ATP9B: variants seen among roughly 807,000 people sequenced by gnomAD.
ATP9B encodes ATPase phospholipid transporting 9B, also known as probable phospholipid-transporting ATPase IIB.
In ATP9B, 110 loss-of-function variants were observed where a neutral mutation model predicts 146.1. The ratio of observed to expected loss-of-function variants is 0.75; its 90% CI spans 0.65 to 0.88. ATP9B has a LOEUF of 0.88. Among genes scored for constraint, ATP9B ranks in the 40% least tolerant of loss-of-function variants. The pLI, the probability that ATP9B is intolerant of heterozygous loss-of-function variation, is 0.00. For missense variants in ATP9B, 1,499 were observed against 1,496.4 expected (o/e 1.00, Z -0.03); for synonymous variants, 604 against 569.7 (o/e 1.06, Z -0.86).
chr18:79,264,243 A>C (rs1229840754), intron 12 of ATP9B, among the ~76,000 whole-genome samples: 2 of 152,256 alleles, frequency 1.3e-5, no homozygotes, highest in African/African-American at 4.8e-5. Context: ...CCTCAGCAAC[A>C]CTTAATATAA....
At chr18:79,346,257 C>T (rs1047796169) in intron 23 of ATP9B, among the ~76,000 whole-genome samples, 4 of 144,986 alleles carry the variant, frequency 2.8e-5, no homozygotes, top group African/African-American at 5.2e-5. Context: ...TCAGCACACA[C>T]GGCACATACG....
chr18:79,076,874 C>G (rs518360), intron 1 of ATP9B, among the ~76,000 whole-genome samples: 57,529 of 151,838 alleles, frequency 0.38, 11,371 homozygotes, highest in East Asian at 0.52. Context: ...CTGTTATTTT[C>G]TCTTAAAGTT....
At chr18:79,172,653 T>C (rs989166419) in intron 7 of ATP9B, among the ~76,000 whole-genome samples, 14 of 152,262 alleles carry the variant, frequency 9.2e-5, no homozygotes, top group African/African-American at 3.1e-4. Flanking sequence ...GCCTAGAGAC[T>C]TTTTCTGCTT....
At chr18:79,221,093 C>A (rs1339336202) in intron 11 of ATP9B, among the ~76,000 whole-genome samples, 1 of 152,218 alleles carries the variant, frequency 6.6e-6, no homozygotes, top group Non-Finnish European at 1.5e-5. Flanking sequence ...TTGCTGTTCC[C>A]TGACTCTAGC....
chr18:79,337,137 C>G (rs1028886793), intron 18 of ATP9B, 142 bp from the exon 19 acceptor site: 1 of 1,162,334 alleles, frequency 8.6e-7, no homozygotes, highest in African/African-American at 1.6e-5. Flanking sequence ...CAGTCCAGCT[C>G]TGTGGAGTAC....
intron 13 of ATP9B, among the ~76,000 whole-genome samples, chr18:79,292,148 A>G (rs1371833152): frequency 6.6e-6 from 1 of 152,240 alleles, no homozygotes; most frequent in Non-Finnish European, 1.5e-5. Flanking sequence ...GGTGATGGAC[A>G]TGGGTTGTTT....
intron 9 of ATP9B, among the ~76,000 whole-genome samples, chr18:79,199,453 A>G (rs1301481830): frequency 2.6e-5 from 4 of 152,050 alleles, no homozygotes; most frequent in Admixed American, 2.0e-4. Context: ...TACTTTTTAA[A>G]CTTTTTTTTG....
intron 6 of ATP9B, among the ~76,000 whole-genome samples, chr18:79,154,129 AT>A (rs35469027): frequency 0.43 from 62,466 of 143,810 alleles, 14,564 homozygotes; most frequent in East Asian, 0.7. Context: ...AATTTTTTGC[AT>A]TTTTTTTTTT....
At chr18:79,188,738 C>G (rs57169009) in intron 8 of ATP9B, among the ~76,000 whole-genome samples, 84,939 of 152,002 alleles carry the variant, frequency 0.56, 25,468 homozygotes, top group African/African-American at 0.79. Context: ...TTTCTTCTCT[C>G]TTTTTCTAAT....
At chr18:79,267,679 T>C (rs1250366834) in intron 12 of ATP9B, among the ~76,000 whole-genome samples, 4 of 152,150 alleles carry the variant, frequency 2.6e-5, no homozygotes, top group African/African-American at 9.6e-5. Flanking sequence ...TACATCTTTG[T>C]TCATTTTTAG....
intron 11 of ATP9B, among the ~76,000 whole-genome samples, chr18:79,240,396 G>A (rs961229581): frequency 1.3e-5 from 2 of 152,224 alleles, no homozygotes; most frequent in Non-Finnish European, 2.9e-5. Flanking sequence ...GAAACATTTT[G>A]ATAAAGAAAA....
At chr18:79,177,172 C>T (rs2095184377) in intron 8 of ATP9B, among the ~76,000 whole-genome samples, 1 of 152,074 alleles carries the variant, frequency 6.6e-6, no homozygotes, top group Non-Finnish European at 1.5e-5. Context: ...GCCCTTCCTC[C>T]CTGTCCTTGC....
At chr18:79,081,247 C>T (rs971446181) in intron 1 of ATP9B, among the ~76,000 whole-genome samples, 4 of 152,054 alleles carry the variant, frequency 2.6e-5, no homozygotes, top group Non-Finnish European at 5.9e-5. Flanking sequence ...TCCATCTGGT[C>T]GTGGGCTTTT....
chr18:79,080,817 G>C (rs1159672856), intron 1 of ATP9B, among the ~76,000 whole-genome samples: 1 of 152,202 alleles, frequency 6.6e-6, no homozygotes, highest in Non-Finnish European at 1.5e-5. Context: ...TTTATTGAGA[G>C]TTTTCAGCAT....
chr18:79,343,948 GT>G (rs930488295), intron 20 of ATP9B: 9 of 419,900 alleles, frequency 2.1e-5, no homozygotes, highest in Non-Finnish European at 3.5e-5. Context: ...TATCCAGAAG[GT>G]AATTATTAAC....
chr18:79,271,825 CA>C (rs1184188052), intron 12 of ATP9B, among the ~76,000 whole-genome samples: 6 of 152,260 alleles, frequency 3.9e-5, no homozygotes, highest in African/African-American at 9.6e-5. Flanking sequence ...CTGACTTCCA[CA>C]ATGGTTGAAC....
chr18:79,155,801 C>T lies in ATP9B; in HGVS notation c.778+1246C>T, dbSNP rs59415646. Among the ~76,000 whole-genome samples the T allele has an allele frequency of 2.2e-3, 287 of 130,306 alleles. 5 individuals carry two copies. The highest frequency in any genetic ancestry group is 7.5e-3 in the African/African-American group (267 of 35,636). The allele number at this position is 130,306 out of a possible 152,430, so 85.5% of individuals were successfully genotyped here. A position where few individuals can be genotyped will look rare whatever the true frequency, so the allele number is the denominator to read the frequency against. ...TTTTTGAGATGGAGTCTCGCTCTGTCGCCCAGGCTGGAGTGCAGTGGTGCG... is the reference window on the plus strand; with the variant it reads ...TTTTTGAGATGGAGTCTCGCTCTGTTGCCCAGGCTGGAGTGCAGTGGTGCG... On this transcript the variant is annotated intron_variant, in intron 7 of 29. Transcript: ENST00000426216.
At chr18:79,307,381 C>T in intron 15 of ATP9B, 147 bp downstream of exon 15, 1 of 1,184,814 alleles carries the variant, frequency 8.4e-7, no homozygotes, top group Non-Finnish European at 1.2e-6. Flanking sequence ...GAAAACTGCC[C>T]AACCTATTCC....
chr18:79,187,637 T>G (rs2095320761), intron 8 of ATP9B, among the ~76,000 whole-genome samples: 1 of 152,214 alleles, frequency 6.6e-6, no homozygotes, highest in South Asian at 2.1e-4. Flanking sequence ...TGATTCCCCC[T>G]GTGCTGCTGC....
Sources: gnomAD v4.1 joint callset for allele counts (sites outside exome capture counted in the v4.1 genomes callset) on GRCh38, gnomAD v4.1.1 for gene constraint, MANE v1.5 for transcripts, NCBI Gene and HGNC (gene_info 2026-07-23, HGNC 2026-07-21) for gene names.